The following CNOT11 variants were observed in gnomAD, a reference collection of about 807,000 sequenced individuals.
The protein encoded by CNOT11 is CCR4-NOT transcription complex subunit 11, also known as UPF0760 protein C2orf29.
Under a neutral mutation model 44.6 loss-of-function variants are expected in CNOT11, and 18 were observed. That is an observed-to-expected ratio of 0.40 (90% confidence interval 0.28 to 0.60). CNOT11 has a LOEUF of 0.60. CNOT11 is among the 20% of genes least tolerant of loss of function. The pLI is 0.38. For missense variants in CNOT11, 513 were observed against 677.0 expected (o/e 0.76, Z 2.69); for synonymous variants, 291 against 270.9 (o/e 1.07, Z -0.73).
intron 4 of CNOT11, 22 bp downstream of exon 4, chr2:101,265,069 TTTC>T (rs762865748): frequency 9.1e-6 from 13 of 1,428,620 alleles, no homozygotes; most frequent in East Asian, 2.4e-5. Flanking sequence ...TTGTAAGCAT[TTTC>T]TTATCTTTTT....
chr2:101,266,631 C>A, intron 4 of CNOT11, 46 bp from the exon 5 acceptor site: 1 of 1,466,516 alleles, frequency 6.8e-7, no homozygotes, highest in Non-Finnish European at 9.5e-7. Context: ...GACTCAACAC[C>A]CTTTCTCTCT....
intron 4 of CNOT11, among the ~76,000 whole-genome samples, chr2:101,265,452 G>A (rs1681960363): frequency 6.6e-6 from 1 of 152,054 alleles, no homozygotes; most frequent in Non-Finnish European, 1.5e-5. Context: ...TTGGAAAGTG[G>A]TAAGCAATAA....
intron 1 of CNOT11, among the ~76,000 whole-genome samples, chr2:101,257,213 T>A (rs1330249840): frequency 6.6e-6 from 1 of 151,046 alleles, no homozygotes; most frequent in Non-Finnish European, 1.5e-5. Context: ...GCCAACATGG[T>A]GAAACCCCGA....
Position 101,253,402 on chromosome 2 carries a change from C to G in CNOT11, c.438C>G (p.Ala146=), listed in dbSNP as rs566955806. The G allele has an allele frequency of 6.3e-7, 1 of 1,588,388 alleles. No homozygotes were observed. Among genetic ancestry groups the G allele is most frequent in the Non-Finnish European group, 8.5e-7 (1 of 1,174,828 alleles). The part of the protein sequence containing the change: ...RTEPLAANPF[A]ASFAHLLNPA... ...AGCCGCTGGCCGCCAACCCCTTCGC[C>G]GCCAGCTTCGCGCACCTGCTCAACC... The change falls in exon 1 of 7, where the codon GCC becomes GCG. Residue 146 remains alanine (A), a synonymous_variant. Transcript: ENST00000289382. This position sits in a 1 kb window ranked among gnomAD's most constrained non-coding sequence, Gnocchi z 4.3.
chr2:101,267,108 T>C (rs1682005220), intron 5 of CNOT11, among the ~76,000 whole-genome samples: 1 of 152,200 alleles, frequency 6.6e-6, no homozygotes, highest in Non-Finnish European at 1.5e-5. Flanking sequence ...TGAAATTTAA[T>C]TGCTGAAATT....
chr2:101,270,190 C>T lies in CNOT11; in HGVS notation c.*777C>T, dbSNP rs1682077519. The stretch of plus-strand genomic sequence containing the variant: ...AGGTAATTTCCTGTGGGGTCTGCAC[C>T]CTCCTGTCTGGGTGGTGGATGTGGG... On this transcript the variant is annotated 3_prime_UTR_variant, in exon 7 of 7. Transcript: ENST00000289382. 1 of 152,204 alleles carries T rather than the reference C, an allele frequency of 6.6e-6. No individual in the cohort carries two copies. Among genetic ancestry groups the T allele is most frequent in the African/African-American group, 2.4e-5 (1 of 41,256 alleles). 9.4% of individuals were successfully genotyped at this position (152,204 alleles called of 1,614,324 possible). A position where few individuals can be genotyped will look rare whatever the true frequency, so the allele number is the denominator to read the frequency against.
chr2:101,253,439 G>T lies in CNOT11; in HGVS notation c.475G>T (p.Ala159Ser). 1.3e-6 allele frequency: 2 copies of T among 1,523,642 alleles called. No individual in the cohort carries two copies. The highest frequency in any genetic ancestry group is 1.7e-6 in the Non-Finnish European group (2 of 1,147,326). 94.4% of individuals were successfully genotyped at this position (1,523,642 alleles called of 1,614,324 possible). Residue 159 changes from alanine to serine, a missense_variant, in exon 1 of 7, where the codon GCC becomes TCC. By Grantham distance (99) the Ala-to-Ser change is moderately conservative. Transcript: ENST00000289382. This position sits in a 1 kb window ranked among gnomAD's most constrained non-coding sequence, Gnocchi z 4.3. ...GCACCTGCTCAACCCCGCGCCGCCC[G>T]CCCGCGGCGGCCAGGAACCCGACCG... ...FAHLLNPAPP[A>S]RGGQEPDRPP...
In CNOT11 at chr2:101,262,372, A is replaced by G. The variant is rs1461808360; in HGVS notation, c.680-167A>G. 16 of 566,948 alleles carry G rather than the reference A, an allele frequency of 2.8e-5. No individual in the cohort carries two copies. In the East Asian group the frequency reaches 3.6e-4, roughly 13 times the overall value. 35.1% of individuals were successfully genotyped at this position (566,948 alleles called of 1,614,324 possible). On this transcript the variant is annotated intron_variant, in intron 2 of 6. Transcript: ENST00000289382. ...TGGCAGATTCCAAGAACCTTTCAAC[A>G]ACGCTAAGTGAGGACCTGCTATACG...
rs759509346 is a variant in CNOT11, at chr2:101,253,276, G to A, written c.312G>A (p.Leu104=). 3.7e-6 allele frequency: 6 copies of A among 1,611,612 alleles called. No individual in the cohort carries two copies. The highest frequency in any genetic ancestry group is 5.1e-6 in the Non-Finnish European group (6 of 1,179,610). The change falls in exon 1 of 7, where the codon CTG becomes CTA. Residue 104 remains leucine, a synonymous_variant. Coordinates refer to ENST00000289382, the MANE Select transcript of CNOT11 (RefSeq NM_017546.5). The surrounding 1 kb of genome is among the most constrained non-coding windows in gnomAD (Gnocchi z 4.3). ...TCAGCAAGGCCGACCACTTCCGCCTGGGCTCGGTGCTCGTCATGCTGCTCC... is the reference window on the plus strand; with the variant it reads ...TCAGCAAGGCCGACCACTTCCGCCTAGGCTCGGTGCTCGTCATGCTGCTCC... The part of the protein sequence containing the change: ...HYFSKADHFR[L]GSVLVMLLQQ...
intron 5 of CNOT11, among the ~76,000 whole-genome samples, chr2:101,268,686 C>G (rs1682046423): frequency 1.3e-5 from 2 of 152,154 alleles, no homozygotes; most frequent in African/African-American, 4.8e-5. Context: ...ACTCGTTTTT[C>G]TCATTAAAAC....
At chr2:101,265,829 T>A (rs1243855074) in intron 4 of CNOT11, among the ~76,000 whole-genome samples, 1 of 152,160 alleles carries the variant, frequency 6.6e-6, no homozygotes, top group Non-Finnish European at 1.5e-5. Context: ...AGTGTGAGAC[T>A]GGATGACTCT....
At chr2:101,259,350 T>G (rs1432967529) in intron 2 of CNOT11, among the ~76,000 whole-genome samples, 1 of 152,226 alleles carries the variant, frequency 6.6e-6, no homozygotes, top group Non-Finnish European at 1.5e-5. Flanking sequence ...CGTTCAGGAT[T>G]GTTCTGGCAC....
In CNOT11 at chr2:101,262,697, T is replaced by C. The variant is rs761298133; in HGVS notation, c.832+6T>C. On this transcript the variant is annotated splice_donor_region_variant and intron_variant, in intron 3 of 6. Transcript: ENST00000289382. ...ACCAAAGCCACCTATTGAAAGTAGG[T>C]ACATATAAATTAATTTATACTCTTT... is the stretch of plus-strand genomic sequence containing the variant. 3 of 1,611,316 alleles carry C rather than the reference T, an allele frequency of 1.9e-6. No homozygotes were observed. The African/African-American group carries it at 4.0e-5, about 22-fold the overall frequency.
intron 5 of CNOT11, among the ~76,000 whole-genome samples, chr2:101,267,443 A>C (rs1185761402): frequency 6.6e-6 from 1 of 152,116 alleles, no homozygotes; most frequent in Non-Finnish European, 1.5e-5. Flanking sequence ...TTATTTCCCT[A>C]TACATAGTCC....
At chr2:101,262,416 TTCTC>T (rs778215946) in intron 2 of CNOT11, 119 bp from the exon 3 acceptor site, 1 of 830,716 alleles carries the variant, frequency 1.2e-6, no homozygotes, top group Admixed American at 2.5e-5. Context: ...TACACACATT[TTCTC>T]TCTCTCTCTG....
At chr2:101,257,318 G>T (rs1454243053) in intron 1 of CNOT11, among the ~76,000 whole-genome samples, 1 of 151,672 alleles carries the variant, frequency 6.6e-6, no homozygotes, top group Non-Finnish European at 1.5e-5. Flanking sequence ...TCTTGAACCC[G>T]GGAGGTGGAG....
chr2:101,257,050 A>G (rs894351727), intron 1 of CNOT11, among the ~76,000 whole-genome samples: 2 of 150,224 alleles, frequency 1.3e-5, no homozygotes, highest in Admixed American at 1.3e-4. Flanking sequence ...TTCCATCTCA[A>G]AAAAAAAAAG....
chr2:101,256,053 T>G (rs1681729738), intron 1 of CNOT11, among the ~76,000 whole-genome samples: 1 of 151,328 alleles, frequency 6.6e-6, no homozygotes, highest in South Asian at 2.1e-4. Flanking sequence ...GCAGGAGAAT[T>G]GCTTGAACCT....
At chr2:101,266,652 C>G (rs766399619) in intron 4 of CNOT11, 25 bp from the exon 5 acceptor site, 1 of 1,578,320 alleles carries the variant, frequency 6.3e-7, no homozygotes, top group Non-Finnish European at 8.7e-7. Flanking sequence ...CCCTCTCTCT[C>G]TCTTTAAAAA....
Sources: allele counts gnomAD v4.1 joint callset (sites outside exome capture counted in the v4.1 genomes callset), GRCh38; gene constraint gnomAD v4.1.1; non-coding constraint Gnocchi (gnomAD v3.1); transcripts MANE v1.5; gene names NCBI Gene and HGNC (gene_info 2026-07-23, HGNC 2026-07-21).